RNASE4: variants seen among roughly 807,000 people sequenced by gnomAD.
RNASE4 encodes the protein ribonuclease A family member 4, also known as ribonuclease 4.
For missense variants in RNASE4, 194 were observed against 192.8 expected, an observed-to-expected ratio of 1.01 and a Z score of -0.04; for synonymous variants, 93 against 71.4, an observed-to-expected ratio of 1.30 and a Z score of -1.52.
At chr14:20,685,679 C>T (rs1394472147) in intron 1 of RNASE4, among the ~76,000 whole-genome samples, 4 of 152,164 alleles carry the variant, frequency 2.6e-5, no homozygotes, top group African/African-American at 9.7e-5. Context: ...AGGTTTCCTT[C>T]GAACAGCAAC....
chr14:20,699,132 G>A, intron 1 of RNASE4: 2 of 504,092 alleles, frequency 4.0e-6, no homozygotes, highest in Non-Finnish European at 7.1e-6. Flanking sequence ...ACTTCTCTCT[G>A]TAAATGAGAA....
intron 1 of RNASE4, among the ~76,000 whole-genome samples, chr14:20,694,937 C>G (rs555309622): frequency 6.6e-6 from 1 of 152,200 alleles, no homozygotes; most frequent in South Asian, 2.1e-4. Context: ...GGGTAGCCAC[C>G]TTTTGTCTTA....
At chr14:20,685,645 T>G (rs1886387494) in intron 1 of RNASE4, among the ~76,000 whole-genome samples, 1 of 152,218 alleles carries the variant, frequency 6.6e-6, no homozygotes, top group African/African-American at 2.4e-5. Context: ...AAATAATTTT[T>G]GAATTTATGG....
intron 1 of RNASE4, among the ~76,000 whole-genome samples, chr14:20,695,309 C>T (rs766089531): frequency 6.6e-6 from 1 of 151,492 alleles, no homozygotes; most frequent in South Asian, 2.1e-4. Context: ...GCAGGAGAAT[C>T]GCTTGAACCT....
chr14:20,692,512 CA>C (rs1886814875), intron 1 of RNASE4, among the ~76,000 whole-genome samples: 2 of 152,392 alleles, frequency 1.3e-5, no homozygotes, highest in African/African-American at 4.8e-5. Flanking sequence ...CCTGCCAGAT[CA>C]GCAGGCAGCA....
At chr14:20,688,556 G>A (rs2139004225) in intron 1 of RNASE4, 2 of 372,574 alleles carry the variant, frequency 5.4e-6, no homozygotes, top group Non-Finnish European at 7.4e-6. Context: ...GCAGAAAAGG[G>A]CAACTTTTGG....
At chr14:20,693,099 G>A (rs12881261) in intron 1 of RNASE4, among the ~76,000 whole-genome samples, 18,185 of 151,666 alleles carry the variant, frequency 0.12, 1,182 homozygotes, top group African/African-American at 0.14. Context: ...CGCCCGCCTT[G>A]GCCTCCCAAA....
In RNASE4 at chr14:20,699,534, T is replaced by C. The variant is rs1204355318; in HGVS notation, c.163T>C (p.Leu55=). ...ETGGSDRYCN[L]MMQRRKMTLY... ...AGGTGGCAGTGATCGCTACTGCAAC[T>C]TGATGATGCAAAGACGGAAGATGAC... Residue 55 remains leucine, a synonymous_variant, in exon 2 of 2, where the codon TTG becomes CTG. Coordinates refer to ENST00000555835, the MANE Select transcript of RNASE4 (RefSeq NM_002937.5). 1.2e-6 allele frequency: 2 copies of C among 1,614,074 alleles called. No homozygotes were observed. Among genetic ancestry groups the C allele is most frequent in the Non-Finnish European group, 1.7e-6 (2 of 1,180,050 alleles).
chr14:20,696,809 T>G (rs1887108007), intron 1 of RNASE4, among the ~76,000 whole-genome samples: 1 of 152,216 alleles, frequency 6.6e-6, no homozygotes, highest in African/African-American at 2.4e-5. Context: ...GGCGCTTAGA[T>G]TGATTTTCTT....
Position 20,693,711 on chromosome 14 carries a change from C to A in RNASE4, c.-17-5644C>A, listed in dbSNP as rs754593656. 10 of 1,614,070 alleles carry A rather than the reference C, an allele frequency of 6.2e-6. 1 individual carries two copies. In the South Asian group the frequency reaches 1.1e-4, roughly 18 times the overall value. On this transcript the variant is annotated intron_variant, in intron 1 of 1. Transcript: ENST00000555835. ...AACCACAGGGCCGGGATGACAGATA[C>A]TGTGAAAGCATCATGAGGAGACGGG...
In RNASE4 at chr14:20,699,390, C is replaced by A; in HGVS notation, c.19C>A (p.His7Asn). 7 of 1,603,682 alleles carry A rather than the reference C, an allele frequency of 4.4e-6. No individual in the cohort carries two copies. The highest frequency in any genetic ancestry group is 6.0e-6 in the Non-Finnish European group (7 of 1,173,540). The stretch of plus-strand genomic sequence containing the variant: ...GATACTGATGGCTCTGCAGAGGACC[C>A]ATTCATTGCTTCTGCTTTTGCTGCT... MALQRT[H>N]SLLLLLLLTL... is the part of the protein sequence containing the mutation. Residue 7 changes from histidine (H) to asparagine (N), a missense_variant, in exon 2 of 2, where the codon CAT (histidine) becomes AAT (asparagine). By Grantham distance (68) the His-to-Asn change is moderately conservative (BLOSUM62 1). Coordinates refer to ENST00000555835, the MANE Select transcript of RNASE4 (RefSeq NM_002937.5).
chr14:20,689,926 A>C (rs1886630204), intron 1 of RNASE4, among the ~76,000 whole-genome samples: 1 of 151,296 alleles, frequency 6.6e-6, no homozygotes, highest in South Asian at 2.1e-4. Flanking sequence ...AAAAAAAAAA[A>C]AAAAACAGGC....
At chr14:20,692,973 G>A (rs7143451) in intron 1 of RNASE4, among the ~76,000 whole-genome samples, 151,022 of 151,458 alleles carry the variant, frequency 1, 75,296 homozygotes, top group Middle Eastern at 1. Context: ...TCAGCCTCCC[G>A]AGTAGCTGGG....
rs1387692408 is a variant in RNASE4, at chr14:20,700,443, T to C, written c.*628T>C. ...TTTGGGTTTAATAAGATTAAGAAAA[T>C]GATACTGGGAATTTTCTTTTTCCTG... On this transcript the variant is annotated 3_prime_UTR_variant, in exon 2 of 2. Coordinates refer to ENST00000555835, the MANE Select transcript of RNASE4 (RefSeq NM_002937.5). The C allele has an allele frequency of 6.0e-6, 1 of 167,118 alleles. No individual in the cohort carries two copies. Among genetic ancestry groups the C allele is most frequent in the Non-Finnish European group, 1.5e-5 (1 of 68,138 alleles). 10.4% of individuals were successfully genotyped at this position (167,118 alleles called of 1,614,324 possible).
intron 1 of RNASE4, among the ~76,000 whole-genome samples, chr14:20,689,544 AT>A (rs1304211107): frequency 1.3e-5 from 2 of 152,200 alleles, no homozygotes; most frequent in African/African-American, 4.8e-5. Flanking sequence ...AATACTGAAC[AT>A]TGCCTGTGGG....
At chr14:20,699,307 G>A in intron 1 of RNASE4, 48 bp from the exon 2 acceptor site, 1 of 1,475,700 alleles carries the variant, frequency 6.8e-7, no homozygotes, top group Non-Finnish European at 9.0e-7. Flanking sequence ...CCTTTTTCCA[G>A]TGCCCAGTTC....
At chr14:20,699,157 GA>G in intron 1 of RNASE4, 197 bp from the exon 2 acceptor site, 2 of 551,426 alleles carry the variant, frequency 3.6e-6, no homozygotes, top group Non-Finnish European at 3.2e-6. Flanking sequence ...CTTGCTTTCA[GA>G]AAAGATCATG....
intron 1 of RNASE4, among the ~76,000 whole-genome samples, chr14:20,695,675 A>G (rs1302491826): frequency 6.6e-6 from 1 of 152,202 alleles, no homozygotes; most frequent in African/African-American, 2.4e-5. Flanking sequence ...AGTATTCCCT[A>G]TGGTGGCTTC....
Position 20,699,600 on chromosome 14 carries a change from G to T in RNASE4, c.229G>T (p.Asp77Tyr), listed in dbSNP as rs1382191636. ...CKRFNTFIHE[D>Y]IWNIRSICST... The stretch of plus-strand genomic sequence containing the variant: ...GCGCTTCAACACCTTCATCCATGAA[G>T]ATATCTGGAACATTCGTAGTATCTG... Residue 77 changes from aspartate (D) to tyrosine (Y), a missense_variant, in exon 2 of 2, where the codon GAT becomes TAT. Asp to Tyr is a radical substitution (Grantham distance 160). Transcript: ENST00000555835. 6.2e-7 allele frequency: 1 copy of T among 1,614,088 alleles called. No individual in the cohort carries two copies. The highest frequency in any genetic ancestry group is 8.5e-7 in the Non-Finnish European group (1 of 1,180,038).
Sources: allele counts gnomAD v4.1 joint callset (sites outside exome capture counted in the v4.1 genomes callset), GRCh38; gene constraint gnomAD v4.1.1; transcripts MANE v1.5; gene names NCBI Gene and HGNC (gene_info 2026-07-23, HGNC 2026-07-21).